DISP1: variants seen among roughly 807,000 people sequenced by gnomAD.
The protein encoded by DISP1 is protein dispatched homolog 1.
In DISP1, 30 loss-of-function variants were observed where a neutral mutation model predicts 37.3. The ratio of observed to expected loss-of-function variants is 0.80; its 90% CI spans 0.60 to 1.09. DISP1 has a LOEUF of 1.09. DISP1 is among the 50% of genes least tolerant of loss of function. DISP1 has a pLI of 0.00. For synonymous variants in DISP1, 634 were observed against 690.2 expected (o/e 0.92, Z 1.28); for missense variants, 1,598 against 1,879.5 (o/e 0.85, Z 2.77).
chr1:222,962,844 A>C (rs1676168887), intron 3 of DISP1, among the ~76,000 whole-genome samples: 1 of 152,262 alleles, frequency 6.6e-6, no homozygotes, highest in Non-Finnish European at 1.5e-5. Flanking sequence ...AAACCTAGGC[A>C]GTACCATTCA....
In DISP1 at chr1:222,826,377, C is replaced by CTTTT. The variant is rs376799233; in HGVS notation, c.-159+11317_-159+11320dup. Among the ~76,000 whole-genome samples the CTTTT allele has an allele frequency of 6.0e-4, 66 of 110,380 alleles. 1 individual carries two copies. The highest frequency in any genetic ancestry group is 7.3e-4 in the Non-Finnish European group (41 of 56,406). The allele number at this position is 110,380 out of a possible 152,430, so 72.4% of individuals were successfully genotyped here. A position where few individuals can be genotyped will look rare whatever the true frequency, so the allele number is the denominator to read the frequency against. On this transcript the variant is annotated intron_variant, in intron 1 of 8. Coordinates refer to ENST00000675850, the MANE Select transcript of DISP1 (RefSeq NM_001377229.1). ...TTGTAGTCTCCTTTACACTTTAATA[C>CTTTT]TTTTTTTTTTTTTTTTTTTTTGAGA...
At chr1:222,895,726 A>C (rs775336389) in intron 1 of DISP1, among the ~76,000 whole-genome samples, 1 of 152,228 alleles carries the variant, frequency 6.6e-6, no homozygotes, top group African/African-American at 2.4e-5. Context: ...TCTTTTCCAC[A>C]TATGATGGGT....
intron 1 of DISP1, among the ~76,000 whole-genome samples, chr1:222,901,870 A>G (rs1392948529): frequency 1.3e-5 from 2 of 152,204 alleles, no homozygotes; most frequent in African/African-American, 2.4e-5. Context: ...ATACTTCACT[A>G]AAAGGAAATT....
intron 3 of DISP1, among the ~76,000 whole-genome samples, chr1:222,951,737 C>T (rs1005457173): frequency 6.6e-6 from 1 of 152,184 alleles, no homozygotes; most frequent in Non-Finnish European, 1.5e-5. Context: ...GTGCTGGAGA[C>T]AGGTGGAAAC....
At position 222,954,966 on chromosome 1, in the gene DISP1, G is replaced by A. The variant is rs1572614257; in HGVS notation, c.509+11634G>A. ...AGTGGTGGTGGGGTGGGGTGTGGGG[G>A]CTGGGGAATGCAAGCAATCCCCTTT... On this transcript the variant is annotated intron_variant, in intron 3 of 8. Coordinates refer to ENST00000675850, the MANE Select transcript of DISP1 (RefSeq NM_001377229.1). 2.6e-5 allele frequency among the ~76,000 whole-genome samples: 4 copies of A among 152,212 alleles called. No homozygotes were observed. The South Asian group carries it at 8.3e-4, about 32-fold the overall frequency.
At chr1:222,822,296 G>A (rs1663137650) in intron 1 of DISP1, among the ~76,000 whole-genome samples, 1 of 152,176 alleles carries the variant, frequency 6.6e-6, no homozygotes, top group Non-Finnish European at 1.5e-5. Flanking sequence ...GGTGTGTTTA[G>A]CTATCATTCT....
intron 1 of DISP1, among the ~76,000 whole-genome samples, chr1:222,882,210 A>G (rs1396599576): frequency 6.6e-6 from 1 of 152,140 alleles, no homozygotes; most frequent in Non-Finnish European, 1.5e-5. Flanking sequence ...TACCATATGT[A>G]TTCATGTTGT....
At chr1:222,991,878 G>A (rs1024602517) in intron 6 of DISP1, 135 bp from the exon 7 acceptor site, 2 of 833,246 alleles carry the variant, frequency 2.4e-6, no homozygotes, top group Admixed American at 2.5e-5. Flanking sequence ...AATGTTGGTT[G>A]CTTCTTCTAA....
intron 1 of DISP1, among the ~76,000 whole-genome samples, chr1:222,885,614 A>G (rs1670550355): frequency 6.6e-6 from 1 of 151,752 alleles, no homozygotes; most frequent in Non-Finnish European, 1.5e-5. Context: ...GGTATGCACT[A>G]CAGCTGCTTA....
At position 222,943,316 on chromosome 1, in the gene DISP1, C is replaced by G. The variant is rs1558345887; in HGVS notation, c.493C>G (p.His165Asp). ...TTTTCAGCATCAGCCTGTGCAACAG[C>G]ACATAGCCAACATAAGGTAAGTGAT... ...DHFQHQPVQQ[H>D]IANIRPSRPF... Residue 165 changes from histidine to aspartate, a missense_variant, in exon 3 of 9, where the codon CAC becomes GAC. By Grantham distance (81) the His-to-Asp change is moderately conservative. Coordinates refer to ENST00000675850, the MANE Select transcript of DISP1 (RefSeq NM_001377229.1). 1.9e-6 allele frequency: 3 copies of G among 1,614,120 alleles called. No individual in the cohort carries two copies. The highest frequency in any genetic ancestry group is 1.3e-5 in the African/African-American group (1 of 74,930).
chr1:222,950,681 G>A lies in DISP1; in HGVS notation c.509+7349G>A, dbSNP rs550207687. 5.9e-5 allele frequency among the ~76,000 whole-genome samples: 9 copies of A among 152,096 alleles called. No homozygotes were observed. In the East Asian group the frequency reaches 7.7e-4, roughly 13 times the overall value. On this transcript the variant is annotated intron_variant, in intron 3 of 8. Transcript: ENST00000675850. ...GTCATTGTGGGTGTCCCCAATCTAC[G>A]TCCTGAACAGTCCATTTGATGATCT...
intron 1 of DISP1, among the ~76,000 whole-genome samples, chr1:222,878,802 C>T (rs978560638): frequency 1.3e-5 from 2 of 152,016 alleles, no homozygotes; most frequent in Admixed American, 1.3e-4. Context: ...AGAGCAGCAC[C>T]TTCAAATATT....
At chr1:222,987,680 A>T (rs916415903) in intron 4 of DISP1, among the ~76,000 whole-genome samples, 1 of 152,230 alleles carries the variant, frequency 6.6e-6, no homozygotes, top group Non-Finnish European at 1.5e-5. Flanking sequence ...ATATGGGTTA[A>T]TTAAACCACA....
At chr1:222,943,633 T>C (rs1674546297) in intron 3 of DISP1, 2 of 444,412 alleles carry the variant, frequency 4.5e-6, no homozygotes, top group East Asian at 9.2e-5. Context: ...TTGTTAGCAA[T>C]TTCTGTTATT....
chr1:222,842,899 T>C (rs1667693252), intron 1 of DISP1, among the ~76,000 whole-genome samples: 2 of 152,048 alleles, frequency 1.3e-5, no homozygotes, highest in South Asian at 4.1e-4. Context: ...AGTGTAACAG[T>C]AGATCTATTA....
chr1:222,911,573 T>C (rs972312956), intron 1 of DISP1, among the ~76,000 whole-genome samples: 12 of 152,128 alleles, frequency 7.9e-5, no homozygotes, highest in African/African-American at 2.9e-4. Flanking sequence ...GGTGCAGTCA[T>C]AGCTCACTGC....
At chr1:222,964,647 AT>A (rs1676335490) in intron 3 of DISP1, among the ~76,000 whole-genome samples, 1 of 152,178 alleles carries the variant, frequency 6.6e-6, no homozygotes, top group South Asian at 2.1e-4. Context: ...GAAACAGCAT[AT>A]TCACAGTGCT....
At chr1:222,970,289 G>A (rs887714242) in intron 3 of DISP1, among the ~76,000 whole-genome samples, 3 of 152,122 alleles carry the variant, frequency 2.0e-5, no homozygotes, top group Non-Finnish European at 2.9e-5. Context: ...CAGACAGATG[G>A]AGAATTCTGC....
chr1:222,994,298 A>G (rs1289557981), intron 7 of DISP1, among the ~76,000 whole-genome samples: 1 of 151,986 alleles, frequency 6.6e-6, no homozygotes, highest in Non-Finnish European at 1.5e-5. Flanking sequence ...ATATCATACA[A>G]CCTCCCTTAT....
Sources: allele counts gnomAD v4.1 joint callset (sites outside exome capture counted in the v4.1 genomes callset), GRCh38; gene constraint gnomAD v4.1.1; transcripts MANE v1.5; gene names NCBI Gene and HGNC (gene_info 2026-07-23, HGNC 2026-07-21).